ARHGAP8: variants seen among roughly 807,000 people sequenced by gnomAD.
ARHGAP8 encodes the protein Rho GTPase activating protein 8.
ARHGAP8 carries 62 observed loss-of-function variants against 46.1 expected under a neutral mutation model. That is an observed-to-expected ratio of 1.34 (90% CI 1.10 to 1.66). ARHGAP8 has a LOEUF of 1.66. Ranked by LOEUF, ARHGAP8 falls within the 40% of genes most tolerant of loss-of-function variation. ARHGAP8 has a pLI of 0.00. For synonymous variants in ARHGAP8, 375 were observed against 243.1 expected (o/e 1.54, Z -5.05); for missense variants, 923 against 568.4 (o/e 1.62, Z -6.34).
Position 44,859,200 on chromosome 22 carries a change from C to G in ARHGAP8, c.878-531C>G, listed in dbSNP as rs114651801. On this transcript the variant is annotated intron_variant, in intron 10 of 11. Transcript: ENST00000356099. ...ATTCAGGTGATGATAGGGCTTGGAT[C>G]TGAGTCCCCAGCGCGTCTCATGTTG... Among the ~76,000 whole-genome samples the G allele has an allele frequency of 6.2e-3, 938 of 152,242 alleles. 9 individuals carry two copies. The highest frequency in any genetic ancestry group is 0.022 in the African/African-American group (898 of 41,540).
chr22:44,822,428 C>T lies in ARHGAP8; in HGVS notation c.444C>T (p.His148=), dbSNP rs759979233. The T allele has an allele frequency of 1.9e-6, 3 of 1,570,812 alleles. No individual in the cohort carries two copies. The highest frequency in any genetic ancestry group is 1.2e-5 in the South Asian group (1 of 82,302). The change falls in exon 6 of 12, where the codon CAC becomes CAT. Residue 148 remains histidine, a synonymous_variant. Coordinates refer to ENST00000356099, the MANE Select transcript of ARHGAP8 (RefSeq NM_181335.3). Reference sequence around the variant, plus strand: ...ACTACCTGAGTGAGCTCCACGAACACCTTAAATACGACCAGCTGGTCATCC... The same window carrying T: ...ACTACCTGAGTGAGCTCCACGAACATCTTAAATACGACCAGCTGGTCATCC... ...YFNYLSELHE[H]LKYDQLVIPP... is the part of the protein sequence containing the mutation.
chr22:44,860,810 C>T (rs543840624), intron 11 of ARHGAP8, among the ~76,000 whole-genome samples: 10 of 152,296 alleles, frequency 6.6e-5, no homozygotes, highest in African/African-American at 1.7e-4. Flanking sequence ...CCCAGACCCA[C>T]GGCCTTGAAT....
chr22:44,786,807 G>C (rs191594085), intron 2 of ARHGAP8, among the ~76,000 whole-genome samples: 2 of 152,060 alleles, frequency 1.3e-5, no homozygotes, highest in African/African-American at 4.8e-5. Flanking sequence ...TTCAGCCCAC[G>C]AATTCGAGAC....
chr22:44,845,795 G>T (rs2069940929), intron 8 of ARHGAP8, among the ~76,000 whole-genome samples: 1 of 152,180 alleles, frequency 6.6e-6, no homozygotes, highest in South Asian at 2.1e-4. Context: ...GGTGAGCCTT[G>T]TGGGCTCTCC....
At chr22:44,783,608 C>G (rs1927004239) in intron 1 of ARHGAP8, among the ~76,000 whole-genome samples, 1 of 152,214 alleles carries the variant, frequency 6.6e-6, no homozygotes, top group South Asian at 2.1e-4. Flanking sequence ...CTCTGCTCCA[C>G]CGCACTAGAA....
rs191153146 is a variant in ARHGAP8 at position 44,763,295 on chromosome 22, G to A, written c.-72+10668G>A. Among the ~76,000 whole-genome samples, 14 of 151,746 alleles carry A rather than the reference G, an allele frequency of 9.2e-5. No homozygotes were observed. In the East Asian group the frequency reaches 1.8e-3, roughly 19 times the overall value. ...GTGGATCACTTGAGGCCAGGAGTTCGAGACCAACCTGGCCAACATGGTGAA... is the reference window on the plus strand; with the variant it reads ...GTGGATCACTTGAGGCCAGGAGTTCAAGACCAACCTGGCCAACATGGTGAA... On this transcript the variant is annotated intron_variant, in intron 1 of 11. Transcript: ENST00000356099.
intron 10 of ARHGAP8, 137 bp from the exon 11 acceptor site, chr22:44,859,594 T>A: frequency 1.2e-6 from 1 of 844,948 alleles, no homozygotes; most frequent in Non-Finnish European, 1.9e-6. Flanking sequence ...AGAAGATAAG[T>A]GGGGGTCCCA....
rs770800221 is a variant in ARHGAP8, at chr22:44,845,351, G to T, written c.670+9G>T. ...GTACCTGAGAGAGAAAGGTGAGACGGGGCCGGCTCCAGCTGGATGACGTGA... is the reference window on the plus strand; with the variant it reads ...GTACCTGAGAGAGAAAGGTGAGACGTGGCCGGCTCCAGCTGGATGACGTGA... On this transcript the variant is annotated intron_variant, in intron 8 of 11. Coordinates refer to ENST00000356099, the MANE Select transcript of ARHGAP8 (RefSeq NM_181335.3). 81 of 1,613,912 alleles carry T rather than the reference G, an allele frequency of 5.0e-5. No homozygotes were observed. Among genetic ancestry groups the T allele is most frequent in the Non-Finnish European group, 6.7e-5 (79 of 1,180,002 alleles).
chr22:44,861,098 C>T (rs553572041), intron 11 of ARHGAP8, among the ~76,000 whole-genome samples: 9 of 152,150 alleles, frequency 5.9e-5, no homozygotes, highest in Non-Finnish European at 1.0e-4. Flanking sequence ...CAGCCTCCCA[C>T]GTAGCTGGGA....
Position 44,802,139 on chromosome 22 carries a change from G to A in ARHGAP8, c.142G>A (p.Glu48Lys), listed in dbSNP as rs757441997. The change falls in exon 3 of 12, where the codon GAG becomes AAG. Residue 48 changes from glutamate to lysine, a missense_variant. Physicochemically the swap from Glu to Lys is moderately conservative, Grantham distance 56. Coordinates refer to ENST00000356099, the MANE Select transcript of ARHGAP8 (RefSeq NM_181335.3). ...CTGCTGCCGGATGCCACCCTCCCAC[G>A]AGCTGGACCACCAGCGGCTGCTGGA... ...FSCCRMPPSH[E>K]LDHQRLLEYL... The A allele has an allele frequency of 2.4e-5, 39 of 1,613,968 alleles. No homozygotes were observed. The highest frequency in any genetic ancestry group is 2.7e-5 in the African/African-American group (2 of 74,914).
At chr22:44,790,523 A>C (rs1927582382) in intron 2 of ARHGAP8, among the ~76,000 whole-genome samples, 1 of 151,756 alleles carries the variant, frequency 6.6e-6, no homozygotes, top group African/African-American at 2.4e-5. Context: ...TAAAAATACA[A>C]AAATTAGCCA....
At chr22:44,806,412 G>T (rs2147088360) in intron 3 of ARHGAP8, among the ~76,000 whole-genome samples, 1 of 152,340 alleles carries the variant, frequency 6.6e-6, no homozygotes, top group South Asian at 2.1e-4. Context: ...AACGGGATGG[G>T]AGCAGGCGTG....
intron 7 of ARHGAP8, among the ~76,000 whole-genome samples, chr22:44,833,096 C>CTTTTCTTTTCTTTTCTTTTTT (rs535842585): frequency 1.1e-4 from 13 of 120,434 alleles, no homozygotes; most frequent in Non-Finnish European, 2.3e-4. Context: ...CTTTTCTTTT[C>CTTTTCTTTTCTTTTCTTTTTT]TTTTTTTTTT....
At chr22:44,834,617 G>A (rs973626190) in intron 7 of ARHGAP8, among the ~76,000 whole-genome samples, 3 of 152,110 alleles carry the variant, frequency 2.0e-5, no homozygotes, top group Admixed American at 6.5e-5. Flanking sequence ...TGTCAATTAA[G>A]TCTACTTGGT....
chr22:44,852,674 C>T (rs1204511490), intron 10 of ARHGAP8, among the ~76,000 whole-genome samples: 2 of 152,068 alleles, frequency 1.3e-5, no homozygotes, highest in Admixed American at 6.5e-5. Flanking sequence ...CAGGAGGTAG[C>T]GGTGGAGGTG....
In ARHGAP8 at chr22:44,848,577, GC is replaced by G. The variant is rs139016688; in HGVS notation, c.749-352del. Among the ~76,000 whole-genome samples the G allele has an allele frequency of 4.2e-3, 641 of 152,326 alleles. 5 individuals are homozygous for G. Among genetic ancestry groups the G allele is most frequent in the Non-Finnish European group, 6.4e-3 (435 of 68,020 alleles). On this transcript the variant is annotated intron_variant, in intron 9 of 11. Transcript: ENST00000356099. ...TCATGGAGCATCAGGTCTGCACGGG[GC>G]CCAGCTCAGGCCTGCCTGTCTCAGG...
intron 7 of ARHGAP8, among the ~76,000 whole-genome samples, chr22:44,835,385 C>T (rs545986210): frequency 7.2e-5 from 11 of 151,844 alleles, no homozygotes; most frequent in South Asian, 2.1e-4. Flanking sequence ...TTTGGGAGGC[C>T]GAGGTGGGCG....
chr22:44,847,013 G>A (rs1368557544), intron 8 of ARHGAP8, among the ~76,000 whole-genome samples: 1 of 152,216 alleles, frequency 6.6e-6, no homozygotes, highest in African/African-American at 2.4e-5. Context: ...GTGGCTGTGG[G>A]AGTGCGGGAG....
At chr22:44,845,509 G>A (rs2069932997) in intron 8 of ARHGAP8, among the ~76,000 whole-genome samples, 167 bp downstream of exon 8, 3 of 151,874 alleles carry the variant, frequency 2.0e-5, no homozygotes, top group African/African-American at 7.3e-5. Context: ...GATGGTCTGG[G>A]TTTGAATCCT....
Sources: gnomAD v4.1 joint callset for allele counts (sites outside exome capture counted in the v4.1 genomes callset) on GRCh38, gnomAD v4.1.1 for gene constraint, MANE v1.5 for transcripts, NCBI Gene and HGNC (gene_info 2026-07-23, HGNC 2026-07-21) for gene names.